SLC25A12: variants seen among roughly 807,000 people sequenced by gnomAD.
The protein encoded by SLC25A12 is solute carrier family 25 member 12.
A neutral mutation model predicts 83.3 loss-of-function variants in SLC25A12; 32 were observed. The ratio of observed to expected loss-of-function variants is 0.38; its 90% CI spans 0.29 to 0.52. SLC25A12 has a LOEUF of 0.52. Among genes scored for constraint, SLC25A12 ranks in the 20% least tolerant of loss-of-function variants. The pLI is 0.84. For synonymous variants in SLC25A12, 267 were observed against 291.1 expected, an observed-to-expected ratio of 0.92 and a Z score of 0.84; for missense variants, 611 against 835.6, an observed-to-expected ratio of 0.73 and a Z score of 3.31.
chr2:171,837,281 A>G lies in SLC25A12; in HGVS notation c.466-14T>C. ...CAATTGCAGCTCCTGTGAGGAAATT[A>G]GAAATAGGGCATTAAGCTGGTTAAA... On this transcript the variant is annotated splice_polypyrimidine_tract_variant and intron_variant, in intron 5 of 17. Transcript: ENST00000422440. 1 of 1,613,948 alleles carries G rather than the reference A, an allele frequency of 6.2e-7. No individual in the cohort carries two copies. Among genetic ancestry groups the G allele is most frequent in the Non-Finnish European group, 8.5e-7 (1 of 1,179,870 alleles).
intron 2 of SLC25A12, 42 bp from the exon 3 acceptor site, chr2:171,868,865 A>G: frequency 1.4e-6 from 2 of 1,445,738 alleles, no homozygotes; most frequent in Non-Finnish European, 1.9e-6. Flanking sequence ...AAATTATCCA[A>G]TATCATTTTA....
chr2:171,866,722 C>T lies in SLC25A12; in HGVS notation c.209+1959G>A, dbSNP rs1489377983. Among the ~76,000 whole-genome samples, 11 of 133,130 alleles carry T rather than the reference C, an allele frequency of 8.3e-5. 1 individual carries two copies. Among genetic ancestry groups the T allele is most frequent in the African/African-American group, 2.9e-4 (10 of 34,544 alleles). 87.3% of individuals were successfully genotyped at this position (133,130 alleles called of 152,430 possible). A position where few individuals can be genotyped will look rare whatever the true frequency, so the allele number is the denominator to read the frequency against. ...CCCAGTAGGGGCAGCCGGGCAGAGG[C>T]GCCCCTCACCTCCCGGATGGGGCGG... On this transcript the variant is annotated intron_variant, in intron 3 of 17. Coordinates refer to ENST00000422440, the MANE Select transcript of SLC25A12 (RefSeq NM_003705.5).
At chr2:171,804,774 G>A (rs916710794) in intron 13 of SLC25A12, among the ~76,000 whole-genome samples, 2 of 152,150 alleles carry the variant, frequency 1.3e-5, no homozygotes, top group African/African-American at 2.4e-5. Flanking sequence ...TGAGGGTGGT[G>A]GCACACACCT....
At chr2:171,789,219 A>G (rs773844931) in intron 15 of SLC25A12, among the ~76,000 whole-genome samples, 5 of 151,456 alleles carry the variant, frequency 3.3e-5, no homozygotes, top group Non-Finnish European at 7.4e-5. Flanking sequence ...TTGAGACCTC[A>G]CATTTACAGC....
intron 2 of SLC25A12, among the ~76,000 whole-genome samples, chr2:171,876,873 C>A (rs1449473850): frequency 6.6e-6 from 1 of 152,104 alleles, no homozygotes. Flanking sequence ...AGTTGTATAT[C>A]CCTCTGGGGC....
chr2:171,870,896 C>T (rs1248205552), intron 2 of SLC25A12, among the ~76,000 whole-genome samples: 1 of 152,032 alleles, frequency 6.6e-6, no homozygotes, highest in African/African-American at 2.4e-5. Context: ...TAAACAAAGC[C>T]ACCTGTTCTT....
chr2:171,833,670 T>C (rs908670), intron 8 of SLC25A12, among the ~76,000 whole-genome samples: 43,998 of 151,900 alleles, frequency 0.29, 6,672 homozygotes, highest in African/African-American at 0.37. Context: ...CCCTTATTCC[T>C]ATCTCACCTC....
chr2:171,840,671 G>T (rs1241578562), intron 5 of SLC25A12, among the ~76,000 whole-genome samples: 1 of 151,892 alleles, frequency 6.6e-6, no homozygotes, highest in South Asian at 2.1e-4. Flanking sequence ...GGAGAGAAAA[G>T]AAGACTAAAA....
intron 15 of SLC25A12, chr2:171,788,850 C>CT (rs1690538332): frequency 6.6e-6 from 1 of 152,216 alleles, no homozygotes; most frequent in Non-Finnish European, 1.5e-5. Context: ...GGTAAACTTC[C>CT]TGCCTTTGGA....
At chr2:171,850,276 C>A (rs1467756041) in intron 4 of SLC25A12, among the ~76,000 whole-genome samples, 1 of 150,066 alleles carries the variant, frequency 6.7e-6, no homozygotes, top group African/African-American at 2.5e-5. Flanking sequence ...CCACCACGCC[C>A]GGCTAATTTT....
chr2:171,839,843 T>A (rs1684635363), intron 5 of SLC25A12, among the ~76,000 whole-genome samples: 1 of 152,090 alleles, frequency 6.6e-6, no homozygotes, highest in African/African-American at 2.4e-5. Context: ...AAGGTGGAGC[T>A]GAAAACAAGG....
In SLC25A12 at chr2:171,834,883, A is replaced by G; in HGVS notation, c.613-18T>C. 6.2e-7 allele frequency: 1 copy of G among 1,611,198 alleles called. No homozygotes were observed. The highest frequency in any genetic ancestry group is 8.5e-7 in the Non-Finnish European group (1 of 1,178,558). On this transcript the variant is annotated intron_variant, in intron 6 of 17. Coordinates refer to ENST00000422440, the MANE Select transcript of SLC25A12 (RefSeq NM_003705.5). ...CCAGCTGCCTAGAAAATGACAACAC[A>G]AAAAGTTTAAAAAACAAACAAAAAC...
At chr2:171,873,522 G>A (rs903810779) in intron 2 of SLC25A12, among the ~76,000 whole-genome samples, 1 of 152,152 alleles carries the variant, frequency 6.6e-6, no homozygotes, top group African/African-American at 2.4e-5. Flanking sequence ...TGAAAAAGAA[G>A]ACAGTGGGTA....
chr2:171,870,250 TATC>T (rs1008049300), intron 2 of SLC25A12, among the ~76,000 whole-genome samples: 8 of 152,188 alleles, frequency 5.3e-5, no homozygotes, highest in African/African-American at 1.2e-4. Flanking sequence ...AAATAGAAAA[TATC>T]ATAATCCATG....
In SLC25A12 at chr2:171,837,240, C is replaced by T; in HGVS notation, c.493G>A (p.Ala165Thr). 6.2e-7 allele frequency: 1 copy of T among 1,614,046 alleles called. No individual in the cohort carries two copies. The highest frequency in any genetic ancestry group is 8.5e-7 in the Non-Finnish European group (1 of 1,179,970). Residue 165 changes from alanine to threonine, a missense_variant, in exon 6 of 18, where the codon GCC becomes ACC. Transcript: ENST00000422440. ...TTGCTTTTGTCTTTGAGTGCAAAGG[C>T]TTGTCTTGCATGTTCCAATTGCAGC... ...QELQLEHARQ[A>T]FALKDKSKSG...
intron 13 of SLC25A12, among the ~76,000 whole-genome samples, chr2:171,799,182 G>A (rs1292166276): frequency 1.3e-5 from 2 of 152,134 alleles, no homozygotes; most frequent in East Asian, 1.9e-4. Flanking sequence ...CCAGAATTGT[G>A]AGCAATAAAT....
At chr2:171,849,869 T>C (rs1684885459) in intron 4 of SLC25A12, among the ~76,000 whole-genome samples, 1 of 151,688 alleles carries the variant, frequency 6.6e-6, no homozygotes, top group Non-Finnish European at 1.5e-5. Context: ...TGGCGTGATC[T>C]TGGCTCACTG....
At chr2:171,867,045 G>A (rs1489641223) in intron 3 of SLC25A12, among the ~76,000 whole-genome samples, 17 of 147,122 alleles carry the variant, frequency 1.2e-4, no homozygotes, top group East Asian at 4.2e-4. Flanking sequence ...GGGCGGTGGG[G>A]CAGAGGCGCT....
chr2:171,815,075 A>G (rs1488603587), intron 10 of SLC25A12, 46 bp downstream of exon 10: 1 of 1,470,852 alleles, frequency 6.8e-7, no homozygotes, highest in Non-Finnish European at 9.5e-7. Flanking sequence ...GTGAGATAAT[A>G]TTACATTAAC....
Sources: gnomAD v4.1 joint callset for allele counts (sites outside exome capture counted in the v4.1 genomes callset) on GRCh38, gnomAD v4.1.1 for gene constraint, MANE v1.5 for transcripts, NCBI Gene and HGNC (gene_info 2026-07-23, HGNC 2026-07-21) for gene names.